SLC6A13: variants seen among roughly 807,000 people sequenced by gnomAD.
SLC6A13 encodes the protein solute carrier family 6 member 13, also known as sodium- and chloride-dependent GABA transporter 2.
In SLC6A13, 69 loss-of-function variants were observed where a neutral mutation model predicts 72.9. The observed-to-expected ratio is 0.95, with a 90% CI of 0.78 to 1.16. The LOEUF is 1.16. SLC6A13 is among the 50% of genes most tolerant of loss of function. SLC6A13 has a pLI of 0.00. For synonymous variants in SLC6A13, 303 were observed against 303.0 expected (o/e 1.00, Z 0.00); for missense variants, 735 against 760.5 (o/e 0.97, Z 0.39).
intron 2 of SLC6A13, among the ~76,000 whole-genome samples, chr12:252,881 G>A (rs867966932): frequency 1.3e-5 from 2 of 150,600 alleles, no homozygotes; most frequent in Non-Finnish European, 3.0e-5. Context: ...CTCCTTGGCA[G>A]CCTGCCAAGA....
At chr12:243,020 T>A (rs896823045) in intron 3 of SLC6A13, among the ~76,000 whole-genome samples, 1 of 152,150 alleles carries the variant, frequency 6.6e-6, no homozygotes, top group South Asian at 2.1e-4. Context: ...AACTTTTTTT[T>A]TTTTTTGAGA....
At chr12:238,446 C>T (rs1307848226) in intron 4 of SLC6A13, 5 of 693,882 alleles carry the variant, frequency 7.2e-6, no homozygotes, top group Non-Finnish European at 1.1e-5. Flanking sequence ...AACTGTGCAG[C>T]TGTGGGTAAG....
intron 1 of SLC6A13, 112 bp from the exon 2 acceptor site, chr12:260,169 T>C: frequency 8.9e-7 from 1 of 1,122,332 alleles, no homozygotes; most frequent in Admixed American, 2.3e-5. Context: ...AGAGGTGAAT[T>C]TCTATTCCCT....
Position 220,747 on chromosome 12 carries a change from C to A in SLC6A13, c.*201G>T, listed in dbSNP as rs998059827. 9 of 590,058 alleles carry A rather than the reference C, an allele frequency of 1.5e-5. No homozygotes were observed. Among genetic ancestry groups the A allele is most frequent in the Non-Finnish European group, 2.3e-5 (8 of 340,870 alleles). The allele number at this position is 590,058 out of a possible 1,614,324, so 36.6% of individuals were successfully genotyped here. A position where few individuals can be genotyped will look rare whatever the true frequency, so the allele number is the denominator to read the frequency against. On this transcript the variant is annotated 3_prime_UTR_variant, in exon 15 of 15. Transcript: ENST00000343164. ...CTCAGAGGGACACTCTTGGCACTGG[C>A]CTTTCACATCTGTTCAACAACCCCT...
In SLC6A13 at chr12:223,351, A is replaced by T. The variant is rs1251317247; in HGVS notation, c.1312-117T>A. The T allele has an allele frequency of 2.5e-5, 14 of 568,304 alleles. No individual in the cohort carries two copies. In the Admixed American group the frequency reaches 4.5e-4, roughly 18 times the overall value. The allele number at this position is 568,304 out of a possible 1,614,324, so 35.2% of individuals were successfully genotyped here. Reference sequence around the variant, plus strand: ...ACAGAGCAGAGTTGGTGAGGATCACAGGAGATGGATCATAAAAGAGAAGTA... The same window carrying T: ...ACAGAGCAGAGTTGGTGAGGATCACTGGAGATGGATCATAAAAGAGAAGTA... On this transcript the variant is annotated intron_variant, in intron 11 of 14. Coordinates refer to ENST00000343164, the MANE Select transcript of SLC6A13 (RefSeq NM_016615.5).
At chr12:252,527 T>A (rs1317334075) in intron 2 of SLC6A13, among the ~76,000 whole-genome samples, 1 of 152,238 alleles carries the variant, frequency 6.6e-6, no homozygotes, top group African/African-American at 2.4e-5. Flanking sequence ...CTCCAGTTCT[T>A]CACCTCCCAC....
chr12:255,105 G>C (rs1414225247), intron 2 of SLC6A13, among the ~76,000 whole-genome samples: 1 of 152,212 alleles, frequency 6.6e-6, no homozygotes, highest in Admixed American at 6.5e-5. Context: ...GGATTGCTTA[G>C]ATGGGTGCTA....
Position 259,762 on chromosome 12 carries a change from T to C in SLC6A13, c.202+89A>G, listed in dbSNP as rs148217969. ...CTACCTCCAGAATTCTATACATCTATGGGACTCCCCAGAGGGGCCGTAAGT... is the reference window on the plus strand; with the variant it reads ...CTACCTCCAGAATTCTATACATCTACGGGACTCCCCAGAGGGGCCGTAAGT... On this transcript the variant is annotated intron_variant, in intron 2 of 14. Transcript: ENST00000343164. 5.1e-3 allele frequency: 8,271 copies of C among 1,613,560 alleles called. 31 individuals carry two copies. Among genetic ancestry groups the C allele is most frequent in the African/African-American group, 0.011 (857 of 75,026 alleles).
intron 4 of SLC6A13, among the ~76,000 whole-genome samples, chr12:240,806 G>A (rs1365863627): frequency 2.0e-5 from 3 of 152,162 alleles, no homozygotes; most frequent in Non-Finnish European, 4.4e-5. Context: ...GAAAAATAAC[G>A]GTGGAATGGA....
chr12:241,668 A>T (rs1043729979), intron 4 of SLC6A13, among the ~76,000 whole-genome samples: 1 of 152,256 alleles, frequency 6.6e-6, no homozygotes, highest in Non-Finnish European at 1.5e-5. Flanking sequence ...GCTGGTATTA[A>T]GAACTACCAT....
At chr12:227,494 C>T in intron 8 of SLC6A13, 71 bp downstream of exon 8, 1 of 1,599,816 alleles carries the variant, frequency 6.3e-7, no homozygotes, top group Non-Finnish European at 8.5e-7. Flanking sequence ...CCAACTCACC[C>T]TCGTCTAGCG....
intron 9 of SLC6A13, among the ~76,000 whole-genome samples, chr12:225,237 G>T (rs948124968): frequency 9.8e-5 from 15 of 152,370 alleles, no homozygotes; most frequent in African/African-American, 3.6e-4. Context: ...TTTTGCTTCT[G>T]CCAGTCCCAG....
rs185241148 is a variant in SLC6A13 at position 248,428 on chromosome 12, A to T, written c.203-4615T>A. ...GAAAAAAAAAAAAAAAAAAAAAGAT[A>T]TACCATGCTAACACTACTCAAAATA... is the stretch of plus-strand genomic sequence containing the variant. On this transcript the variant is annotated intron_variant, in intron 2 of 14. Transcript: ENST00000343164. Among the ~76,000 whole-genome samples the T allele has an allele frequency of 3.8e-3, 570 of 150,620 alleles. 5 individuals carry two copies. Among genetic ancestry groups the T allele is most frequent in the African/African-American group, 0.013 (543 of 41,098 alleles).
chr12:246,770 A>C (rs1942364590), intron 2 of SLC6A13, among the ~76,000 whole-genome samples: 1 of 152,134 alleles, frequency 6.6e-6, no homozygotes, highest in African/African-American at 2.4e-5. Flanking sequence ...CATTTTGGGA[A>C]GCCGAGGCAG....
intron 1 of SLC6A13, among the ~76,000 whole-genome samples, chr12:260,886 G>A (rs948513380): frequency 2.0e-5 from 3 of 151,996 alleles, no homozygotes; most frequent in African/African-American, 4.8e-5. Flanking sequence ...TCAAAAATGT[G>A]TTTTACTTTT....
At chr12:225,248 C>T (rs1941395051) in intron 9 of SLC6A13, among the ~76,000 whole-genome samples, 1 of 152,248 alleles carries the variant, frequency 6.6e-6, no homozygotes, top group Non-Finnish European at 1.5e-5. Flanking sequence ...CCAGTCCCAG[C>T]TCCCACATTG....
rs1032461551 is a variant in SLC6A13, at chr12:258,914, C to A, written c.202+937G>T. The stretch of plus-strand genomic sequence containing the variant: ...GCTGGGTAATGGATGGCTTAGGGAG[C>A]CTCACCGTGCCAGCAAAGTAGGAAA... On this transcript the variant is annotated intron_variant, in intron 2 of 14. Coordinates refer to ENST00000343164, the MANE Select transcript of SLC6A13 (RefSeq NM_016615.5). 6.1e-6 allele frequency: 6 copies of A among 985,382 alleles called. No homozygotes were observed. The South Asian group carries it at 1.4e-4, about 23-fold the overall frequency. 61.0% of individuals were successfully genotyped at this position (985,382 alleles called of 1,614,324 possible). A position where few individuals can be genotyped will look rare whatever the true frequency, so the allele number is the denominator to read the frequency against.
At chr12:249,918 A>C (rs2137308674) in intron 2 of SLC6A13, among the ~76,000 whole-genome samples, 1 of 152,308 alleles carries the variant, frequency 6.6e-6, no homozygotes, top group Non-Finnish European at 1.5e-5. Context: ...AGTAATGTTT[A>C]TCCCAGAGAT....
chr12:231,161 C>T (rs1002232520), intron 7 of SLC6A13, among the ~76,000 whole-genome samples: 1 of 152,218 alleles, frequency 6.6e-6, no homozygotes, highest in Non-Finnish European at 1.5e-5. Flanking sequence ...AAAGCACACG[C>T]TCCAGCAGAG....
Sources: allele counts gnomAD v4.1 joint callset (sites outside exome capture counted in the v4.1 genomes callset), GRCh38; gene constraint gnomAD v4.1.1; transcripts MANE v1.5; gene names NCBI Gene and HGNC (gene_info 2026-07-23, HGNC 2026-07-21).